ST6GALNAC3: variants seen among roughly 807,000 people sequenced by gnomAD.
ST6GALNAC3 encodes the protein alpha-N-acetylgalactosaminide alpha-2,6-sialyltransferase 3.
A neutral mutation model predicts 32.7 loss-of-function variants in ST6GALNAC3; 25 were observed. The ratio of observed to expected loss-of-function variants is 0.76; its 90% CI spans 0.56 to 1.07. The LOEUF is 1.07. Ranked by LOEUF, ST6GALNAC3 falls within the 50% of genes least tolerant of loss-of-function variation. The probability of loss-of-function intolerance (pLI) is 0.00; values close to 1 mark genes in which losing one functional copy is unlikely to be tolerated. For synonymous variants in ST6GALNAC3, 129 were observed against 133.1 expected, an observed-to-expected ratio of 0.97 and a Z score of 0.21; for missense variants, 355 against 382.4, an observed-to-expected ratio of 0.93 and a Z score of 0.60.
At chr1:76,100,250 G>A (rs1187558165) in intron 1 of ST6GALNAC3, among the ~76,000 whole-genome samples, 1 of 151,704 alleles carries the variant, frequency 6.6e-6, no homozygotes, top group African/African-American at 2.4e-5. Flanking sequence ...TTACCTGATT[G>A]TACTGACTCC....
At chr1:76,324,536 A>G (rs1281242719) in intron 2 of ST6GALNAC3, among the ~76,000 whole-genome samples, 1 of 152,216 alleles carries the variant, frequency 6.6e-6, no homozygotes, top group Non-Finnish European at 1.5e-5. Context: ...TAAATATCAG[A>G]CAAATAAATA....
chr1:76,357,333 G>A (rs1212182349), intron 2 of ST6GALNAC3, among the ~76,000 whole-genome samples: 1 of 151,706 alleles, frequency 6.6e-6, no homozygotes, highest in African/African-American at 2.4e-5. Flanking sequence ...ACAGGGTTTT[G>A]CCGTGTTGGC....
intron 2 of ST6GALNAC3, among the ~76,000 whole-genome samples, chr1:76,391,160 T>C (rs2101153646): frequency 6.6e-6 from 1 of 152,180 alleles, no homozygotes; most frequent in Admixed American, 6.5e-5. Context: ...CAGGATGGTC[T>C]CGATCTCATG....
intron 3 of ST6GALNAC3, among the ~76,000 whole-genome samples, chr1:76,622,713 C>T (rs990148192): frequency 3.3e-5 from 5 of 151,866 alleles, no homozygotes; most frequent in African/African-American, 9.7e-5. Context: ...CAATTTTTTG[C>T]CATCAAAGTA....
rs568870200 is a variant in ST6GALNAC3, at chr1:76,632,567, T to C, written c.*3761T>C. The C allele has an allele frequency of 9.2e-5, 14 of 152,284 alleles. No individual in the cohort carries two copies. The East Asian group carries it at 9.6e-4, about 10-fold the overall frequency. 9.4% of individuals were successfully genotyped at this position (152,284 alleles called of 1,614,324 possible). A position where few individuals can be genotyped will look rare whatever the true frequency, so the allele number is the denominator to read the frequency against. The stretch of plus-strand genomic sequence containing the variant: ...TGACCACTGTGAAAAAGGAAAATTA[T>C]ACAAGGAGATTGCTCTTGGAGGATT... On this transcript the variant is annotated 3_prime_UTR_variant, in exon 5 of 5. Transcript: ENST00000328299.
At chr1:76,358,079 C>A (rs140800205) in intron 2 of ST6GALNAC3, among the ~76,000 whole-genome samples, 1 of 152,226 alleles carries the variant, frequency 6.6e-6, no homozygotes, top group East Asian at 1.9e-4. Context: ...AAACCATTTT[C>A]TCCCCTCAGT....
intron 3 of ST6GALNAC3, among the ~76,000 whole-genome samples, chr1:76,610,915 G>A (rs182377044): frequency 6.6e-5 from 10 of 152,222 alleles, no homozygotes; most frequent in South Asian, 2.1e-4. Context: ...CATAGCAGGC[G>A]CCCAGCTACG....
intron 2 of ST6GALNAC3, among the ~76,000 whole-genome samples, chr1:76,379,697 G>C (rs1056855647): frequency 1.3e-5 from 2 of 152,120 alleles, no homozygotes; most frequent in Admixed American, 6.5e-5. Flanking sequence ...GTCAAATTTG[G>C]CATCTGAGAC....
intron 3 of ST6GALNAC3, among the ~76,000 whole-genome samples, chr1:76,564,808 C>T (rs1280533925): frequency 6.6e-6 from 1 of 152,104 alleles, no homozygotes; most frequent in Non-Finnish European, 1.5e-5. Context: ...TGGTCTCGAT[C>T]TCCTGACCTC....
intron 1 of ST6GALNAC3, among the ~76,000 whole-genome samples, chr1:76,253,932 T>C (rs1657769209): frequency 6.6e-6 from 1 of 152,096 alleles, no homozygotes; most frequent in African/African-American, 2.4e-5. Context: ...TTCAAAGGAT[T>C]CTCAAAGCTC....
intron 3 of ST6GALNAC3, among the ~76,000 whole-genome samples, chr1:76,616,572 G>A (rs1187185054): frequency 6.6e-6 from 1 of 152,140 alleles, no homozygotes; most frequent in Non-Finnish European, 1.5e-5. Flanking sequence ...TTTGGCAAAG[G>A]TATTATTCAT....
intron 3 of ST6GALNAC3, among the ~76,000 whole-genome samples, chr1:76,582,950 CTG>C (rs1646912157): frequency 6.6e-6 from 1 of 152,164 alleles, no homozygotes; most frequent in African/African-American, 2.4e-5. Flanking sequence ...CCATTTAATA[CTG>C]CCCCTGCAGA....
At chr1:76,245,464 T>A (rs547848479) in intron 1 of ST6GALNAC3, among the ~76,000 whole-genome samples, 5 of 152,262 alleles carry the variant, frequency 3.3e-5, no homozygotes, top group Admixed American at 3.3e-4. Flanking sequence ...TTTCCTGTCT[T>A]CTGCTAGGCT....
chr1:76,265,212 G>A (rs1485280045), intron 1 of ST6GALNAC3, among the ~76,000 whole-genome samples: 2 of 152,070 alleles, frequency 1.3e-5, no homozygotes, highest in Non-Finnish European at 2.9e-5. Context: ...AATGAATCAT[G>A]CCTCTTTTTA....
intron 1 of ST6GALNAC3, among the ~76,000 whole-genome samples, chr1:76,096,831 T>C (rs1036018496): frequency 6.6e-6 from 1 of 151,992 alleles, no homozygotes; most frequent in African/African-American, 2.4e-5. Context: ...AAGTTCTTAC[T>C]AGAGGTTTTG....
chr1:76,337,974 G>C (rs1647644867), intron 2 of ST6GALNAC3, among the ~76,000 whole-genome samples: 2 of 152,118 alleles, frequency 1.3e-5, no homozygotes, highest in African/African-American at 4.8e-5. Context: ...GCTTTCTCCT[G>C]GCAGTGCTTG....
At chr1:76,331,210 G>T (rs952586819) in intron 2 of ST6GALNAC3, among the ~76,000 whole-genome samples, 9 of 152,196 alleles carry the variant, frequency 5.9e-5, no homozygotes, top group Non-Finnish European at 1.2e-4. Context: ...TGAACAACCG[G>T]CATAGTTTGA....
intron 3 of ST6GALNAC3, among the ~76,000 whole-genome samples, chr1:76,416,014 A>G (rs1042779097): frequency 6.8e-6 from 1 of 147,238 alleles, no homozygotes; most frequent in Non-Finnish European, 1.5e-5. Context: ...CAATGTAATT[A>G]TTCATCTGCT....
intron 4 of ST6GALNAC3, among the ~76,000 whole-genome samples, chr1:76,628,009 C>T (rs1649082658): frequency 6.6e-6 from 1 of 151,922 alleles, no homozygotes; most frequent in African/African-American, 2.4e-5. Flanking sequence ...AATTATACTT[C>T]ACTAGTAAGT....
Sources: allele counts gnomAD v4.1 joint callset (sites outside exome capture counted in the v4.1 genomes callset), GRCh38; gene constraint gnomAD v4.1.1; transcripts MANE v1.5; gene names NCBI Gene and HGNC (gene_info 2026-07-23, HGNC 2026-07-21).